HS6ST3: variants seen among roughly 807,000 people sequenced by gnomAD.
The protein encoded by HS6ST3 is heparan sulfate 6-O-sulfotransferase 3.
HS6ST3 carries 12 observed loss-of-function variants against 36.7 expected under a neutral mutation model. That is an observed-to-expected ratio of 0.33 (90% confidence interval 0.21 to 0.53). The LOEUF is 0.53. HS6ST3 is among the 20% of genes least tolerant of loss of function. The pLI is 0.95. For missense variants in HS6ST3, 584 were observed against 640.9 expected, an observed-to-expected ratio of 0.91 and a Z score of 0.96; for synonymous variants, 240 against 257.5, an observed-to-expected ratio of 0.93 and a Z score of 0.65.
chr13:96,764,944 G>A (rs1877061520), intron 1 of HS6ST3, among the ~76,000 whole-genome samples: 1 of 151,836 alleles, frequency 6.6e-6, no homozygotes, highest in Non-Finnish European at 1.5e-5. Context: ...TAATTCATTG[G>A]CCATGTCGTT....
Position 96,419,771 on chromosome 13 carries a change from C to T in HS6ST3, c.707+328202C>T, listed in dbSNP as rs147078109. On this transcript the variant is annotated intron_variant, in intron 1 of 1. Coordinates refer to ENST00000376705, the MANE Select transcript of HS6ST3 (RefSeq NM_153456.4). ...CTTCTTTGGCTGTGGATGCATCACT[C>T]CAGTCTCTGCCTCCATCACGCATAG... Among the ~76,000 whole-genome samples the T allele has an allele frequency of 1.7e-3, 265 of 152,218 alleles. 2 individuals are homozygous for T. The highest frequency in any genetic ancestry group is 6.2e-3 in the African/African-American group (256 of 41,528).
chr13:96,481,391 T>C (rs55719006), intron 1 of HS6ST3, among the ~76,000 whole-genome samples: 1 of 152,144 alleles, frequency 6.6e-6, no homozygotes, highest in African/African-American at 2.4e-5. Flanking sequence ...TTCCTTTTAG[T>C]GGGGATCTGG....
intron 1 of HS6ST3, among the ~76,000 whole-genome samples, chr13:96,226,294 G>T (rs2054480093): frequency 2.0e-5 from 3 of 152,200 alleles, no homozygotes; most frequent in African/African-American, 7.2e-5. Flanking sequence ...GCCAAGGCGG[G>T]CAGATCACCT....
At position 96,698,982 on chromosome 13, in the gene HS6ST3, A is replaced by G. The variant is rs184402522; in HGVS notation, c.708-133508A>G. On this transcript the variant is annotated intron_variant, in intron 1 of 1. Coordinates refer to ENST00000376705, the MANE Select transcript of HS6ST3 (RefSeq NM_153456.4). ...CTATCTGATCTTTGACAAACCTGAC[A>G]AAAACAAGAAATGGGGAAAGGATTC... Among the ~76,000 whole-genome samples the G allele has an allele frequency of 5.4e-3, 829 of 152,324 alleles. 4 individuals carry two copies. Among genetic ancestry groups the G allele is most frequent in the African/African-American group, 0.019 (781 of 41,562 alleles).
intron 1 of HS6ST3, among the ~76,000 whole-genome samples, chr13:96,476,660 C>T (rs867403165): frequency 6.6e-6 from 1 of 152,120 alleles, no homozygotes; most frequent in Non-Finnish European, 1.5e-5. Context: ...CGCGCCTGGC[C>T]GAGACAGTTT....
intron 1 of HS6ST3, among the ~76,000 whole-genome samples, chr13:96,428,907 A>G (rs2139473130): frequency 6.6e-6 from 1 of 152,338 alleles, no homozygotes; most frequent in South Asian, 2.1e-4. Flanking sequence ...TAAGCAGTAA[A>G]TAGAATATGG....
intron 1 of HS6ST3, among the ~76,000 whole-genome samples, chr13:96,345,455 C>G (rs2055149178): frequency 6.6e-6 from 1 of 152,074 alleles, no homozygotes; most frequent in South Asian, 2.1e-4. Flanking sequence ...TGTTATGTTG[C>G]TAATGGATTC....
intron 1 of HS6ST3, among the ~76,000 whole-genome samples, chr13:96,381,344 A>G (rs2055339479): frequency 1.3e-5 from 2 of 151,942 alleles, no homozygotes; most frequent in Non-Finnish European, 2.9e-5. Context: ...TTATATATAC[A>G]TATATATATG....
chr13:96,825,796 G>A (rs1878635212), intron 1 of HS6ST3, among the ~76,000 whole-genome samples: 1 of 152,130 alleles, frequency 6.6e-6, no homozygotes, highest in Admixed American at 6.6e-5. Context: ...CACAACATGA[G>A]CTTCCTGGTC....
At chr13:96,722,988 C>CACGTGT (rs1875888608) in intron 1 of HS6ST3, among the ~76,000 whole-genome samples, 1 of 143,568 alleles carries the variant, frequency 7.0e-6, no homozygotes, top group Admixed American at 7.0e-5. Flanking sequence ...AAAAAATATA[C>CACGTGT]GTGTGTGTGT....
chr13:96,716,083 C>T (rs746698593), intron 1 of HS6ST3, among the ~76,000 whole-genome samples: 2 of 152,092 alleles, frequency 1.3e-5, no homozygotes, highest in East Asian at 1.9e-4. Flanking sequence ...ATTTAAAACA[C>T]ATTCAAGCAG....
intron 1 of HS6ST3, among the ~76,000 whole-genome samples, chr13:96,689,606 C>CTTT (rs34000071): frequency 0.055 from 5,588 of 101,162 alleles, 288 homozygotes; most frequent in Middle Eastern, 0.098. Flanking sequence ...TTCTTTCTTT[C>CTTT]TTTTTTTTTT....
At chr13:96,217,403 G>A (rs2054432363) in intron 1 of HS6ST3, among the ~76,000 whole-genome samples, 1 of 152,106 alleles carries the variant, frequency 6.6e-6, no homozygotes. Context: ...TACTCATCTG[G>A]TTCCCCTCCT....
chr13:96,287,593 A>G (rs149365426), intron 1 of HS6ST3, among the ~76,000 whole-genome samples: 50 of 152,272 alleles, frequency 3.3e-4, no homozygotes, highest in African/African-American at 1.1e-3. Flanking sequence ...TTAATGCTGA[A>G]CATAATTACA....
In HS6ST3 at chr13:96,462,867, A is replaced by G. The variant is rs533201375; in HGVS notation, c.708-369623A>G. ...AGCACCAAGAATTTGGTGTAGCAAT[A>G]TAAATAAAGTAACAAGAAATAAATC... is the stretch of plus-strand genomic sequence containing the variant. On this transcript the variant is annotated intron_variant, in intron 1 of 1. Transcript: ENST00000376705. Among the ~76,000 whole-genome samples, 3 of 152,368 alleles carry G rather than the reference A, an allele frequency of 2.0e-5. No individual in the cohort carries two copies. The East Asian group carries it at 5.8e-4, about 29-fold the overall frequency.
At position 96,164,004 on chromosome 13, in the gene HS6ST3, C is replaced by G. The variant is rs1180289006; in HGVS notation, c.707+72435C>G. 5.9e-5 allele frequency among the ~76,000 whole-genome samples: 9 copies of G among 152,306 alleles called. No individual in the cohort carries two copies. The East Asian group carries it at 1.7e-3, about 29-fold the overall frequency. On this transcript the variant is annotated intron_variant, in intron 1 of 1. Coordinates refer to ENST00000376705, the MANE Select transcript of HS6ST3 (RefSeq NM_153456.4). ...TCTGGGAAACATAGTTCTCAATCTT[C>G]ACTGATGCCCCAGGAATGATTCCTG...
At chr13:96,757,903 T>A (rs1798824053) in intron 1 of HS6ST3, among the ~76,000 whole-genome samples, 1 of 152,108 alleles carries the variant, frequency 6.6e-6, no homozygotes. Context: ...TCTTGAAAAA[T>A]ATTAATTTGA....
At position 96,534,987 on chromosome 13, in the gene HS6ST3, C is replaced by T. The variant is rs558816908; in HGVS notation, c.708-297503C>T. Among the ~76,000 whole-genome samples, 38 of 152,080 alleles carry T rather than the reference C, an allele frequency of 2.5e-4. No individual in the cohort carries two copies. The East Asian group carries it at 5.6e-3, about 23-fold the overall frequency. On this transcript the variant is annotated intron_variant, in intron 1 of 1. Transcript: ENST00000376705. ...AAACAAACAAACAAAAAAAGAGGAACGCAGAACAGACTGTGAAAGCATAGC... is the reference window on the plus strand; with the variant it reads ...AAACAAACAAACAAAAAAAGAGGAATGCAGAACAGACTGTGAAAGCATAGC...
chr13:96,765,437 C>G (rs1877084179), intron 1 of HS6ST3, among the ~76,000 whole-genome samples: 1 of 152,196 alleles, frequency 6.6e-6, no homozygotes, highest in Admixed American at 6.5e-5. Flanking sequence ...CCTCCTCTCC[C>G]TGGAGGGGAA....
Sources: gnomAD v4.1 joint callset for allele counts (sites outside exome capture counted in the v4.1 genomes callset) on GRCh38, gnomAD v4.1.1 for gene constraint, MANE v1.5 for transcripts, NCBI Gene and HGNC (gene_info 2026-07-23, HGNC 2026-07-21) for gene names.